The following TNS4 variants were observed in gnomAD, a reference collection of about 807,000 sequenced individuals.
TNS4 encodes the protein tensin 4, also known as tensin-4.
Under a neutral mutation model 70.4 loss-of-function variants are expected in TNS4, and 46 were observed. The ratio of observed to expected loss-of-function variants is 0.65; its 90% confidence interval spans 0.52 to 0.84. TNS4 has a LOEUF of 0.84. Ranked by LOEUF, TNS4 falls within the 40% of genes least tolerant of loss-of-function variation. The pLI is 0.00. For missense variants in TNS4, 863 were observed against 907.0 expected (o/e 0.95, Z 0.62); for synonymous variants, 390 against 366.6 (o/e 1.06, Z -0.73).
Position 40,479,194 on chromosome 17 carries a change from T to A in TNS4, c.1910+480A>T, listed in dbSNP as rs142309977. 7.5e-3 allele frequency among the ~76,000 whole-genome samples: 1,142 copies of A among 152,256 alleles called. 9 individuals are homozygous for A. The highest frequency in any genetic ancestry group is 0.011 in the Non-Finnish European group (764 of 68,010). On this transcript the variant is annotated intron_variant, in intron 10 of 12. Transcript: ENST00000254051. ...ATGGAGTTTCACTCTGTCACCCAGG[T>A]TGGAGTGCAATGGCGTGCTCTCAGC...
At chr17:40,491,117 C>A (rs2036061505) in intron 2 of TNS4, among the ~76,000 whole-genome samples, 1 of 152,190 alleles carries the variant, frequency 6.6e-6, no homozygotes, top group African/African-American at 2.4e-5. Flanking sequence ...AGCACAACTT[C>A]AATTTTTATA....
chr17:40,484,788 G>A, intron 5 of TNS4, 133 bp downstream of exon 5: 4 of 1,364,520 alleles, frequency 2.9e-6, no homozygotes, highest in Non-Finnish European at 3.1e-6. Context: ...AGGTCATGAG[G>A]TCAGCAGGAC....
At chr17:40,478,228 A>C in intron 12 of TNS4, 79 bp downstream of exon 12, 3 of 1,584,172 alleles carry the variant, frequency 1.9e-6, no homozygotes, top group Non-Finnish European at 2.6e-6. Flanking sequence ...TTGGACTATT[A>C]AAGTCAGAAT....
At chr17:40,482,901 T>C (rs897158768) in intron 6 of TNS4, among the ~76,000 whole-genome samples, 6 of 151,906 alleles carry the variant, frequency 3.9e-5, no homozygotes, top group Non-Finnish European at 5.9e-5. Context: ...CTCTTCTTCT[T>C]TTTTTGGGGG....
At chr17:40,499,157 A>G (rs2036180132) in intron 1 of TNS4, among the ~76,000 whole-genome samples, 1 of 152,194 alleles carries the variant, frequency 6.6e-6, no homozygotes, top group Admixed American at 6.5e-5. Context: ...CTAATCGGTT[A>G]TGTTATCTAT....
rs1422428612 is a variant in TNS4, at chr17:40,476,233, G to A, written c.*1355C>T. On this transcript the variant is annotated 3_prime_UTR_variant, in exon 13 of 13. Coordinates refer to ENST00000254051, the MANE Select transcript of TNS4 (RefSeq NM_032865.6). ...GTTCCAGCTTCTGGAGGCTGGGTGG[G>A]GGTGGGGTGGGGGTGGGTGTGGGAT... 1 of 151,004 alleles carries A rather than the reference G, an allele frequency of 6.6e-6. No homozygotes were observed. The highest frequency in any genetic ancestry group is 2.4e-5 in the African/African-American group (1 of 41,088). 9.4% of individuals were successfully genotyped at this position (151,004 alleles called of 1,614,324 possible). A position where few individuals can be genotyped will look rare whatever the true frequency, so the allele number is the denominator to read the frequency against.
In TNS4 at chr17:40,488,743, G is replaced by T; in HGVS notation, c.666C>A (p.Ser222=). The T allele has an allele frequency of 6.3e-7, 1 of 1,599,664 alleles. No homozygotes were observed. The highest frequency in any genetic ancestry group is 8.5e-7 in the Non-Finnish European group (1 of 1,173,844). ...QRPLPPSEGL[S]PRPPNSPSIS... ...TGCTGGGGGAATTTGGGGGTCGAGG[G>T]GAGAGACCCTCTGAGGGGGGCAGAG... Residue 222 remains serine, a synonymous_variant, in exon 3 of 13, where the codon TCC becomes TCA. Transcript: ENST00000254051.
At position 40,477,640 on chromosome 17, in the gene TNS4, G is replaced by A. The variant is rs372382060; in HGVS notation, c.2096C>T (p.Ser699Leu). The A allele has an allele frequency of 2.5e-6, 4 of 1,614,132 alleles. No individual in the cohort carries two copies. The highest frequency in any genetic ancestry group is 4.5e-5 in the East Asian group (2 of 44,874). ...AGCAGTCACCAGGCCGATGACCTGC[G>A]AGGCTGGCTGGACCATGTCATACTC... ...FAEYDMVQPA[S>L]QVIGLVTALL... is the part of the protein sequence containing the mutation. Residue 699 changes from serine to leucine, a missense_variant, in exon 13 of 13, where the codon TCG (serine) becomes TTG (leucine). By Grantham distance (145) the Ser-to-Leu change is moderately radical. Transcript: ENST00000254051.
intron 12 of TNS4, 181 bp downstream of exon 12, chr17:40,478,126 C>T: frequency 1.3e-6 from 1 of 755,438 alleles, no homozygotes; most frequent in Non-Finnish European, 2.2e-6. Context: ...CTCATGTCAC[C>T]CCCAACAGCC....
intron 9 of TNS4, 39 bp from the exon 10 acceptor site, chr17:40,479,881 G>T: frequency 6.4e-7 from 1 of 1,569,342 alleles, no homozygotes. Context: ...CACTGACCCA[G>T]GGCCCAGGTT....
chr17:40,497,717 G>A (rs994581490), intron 1 of TNS4, among the ~76,000 whole-genome samples: 4 of 152,206 alleles, frequency 2.6e-5, no homozygotes, highest in Non-Finnish European at 5.9e-5. Context: ...CAGAGCACCT[G>A]GGGTGGGTGG....
Position 40,484,506 on chromosome 17 carries a change from G to A in TNS4, c.1479C>T (p.Pro493=), listed in dbSNP as rs750601255. The A allele has an allele frequency of 5.0e-6, 8 of 1,611,674 alleles. No homozygotes were observed. Among genetic ancestry groups the A allele is most frequent in the African/African-American group, 2.7e-5 (2 of 74,898 alleles). Residue 493 remains proline, a synonymous_variant, in exon 6 of 13, where the codon CCC becomes CCT. Transcript: ENST00000254051. ...TACCTGGTCGACTCTGAGCAGACGC[G>A]GGAACCTCCTGCACCTTCAGGGCCA... is the stretch of plus-strand genomic sequence containing the variant. ...FGLALKVQEV[P]ASAQSRPGED...
chr17:40,482,443 G>A (rs115318855), intron 6 of TNS4, 27 bp from the exon 7 acceptor site: 31 of 1,611,008 alleles, frequency 1.9e-5, no homozygotes, highest in African/African-American at 6.7e-5. Flanking sequence ...GAGTGCATTC[G>A]GATAGAATTC....
intron 1 of TNS4, 125 bp downstream of exon 1, chr17:40,501,409 C>CTTGGG (rs2036214459): frequency 6.8e-6 from 1 of 147,642 alleles, no homozygotes; most frequent in South Asian, 2.1e-4. Context: ...GATCGCGCCA[C>CTTGGG]TGCACTCCAG....
rs1364122684 is a variant in TNS4, at chr17:40,480,712, T to C, written c.1729A>G (p.Lys577Glu). 5 of 1,564,844 alleles carry C rather than the reference T, an allele frequency of 3.2e-6. No homozygotes were observed. Among genetic ancestry groups the C allele is most frequent in the Non-Finnish European group, 3.4e-6 (4 of 1,159,982 alleles). The change falls in exon 9 of 13, where the codon AAG becomes GAG. Residue 577 changes from lysine (K) to glutamate (E), a missense_variant. Transcript: ENST00000254051. Reference protein sequence around the residue: ...DSTDSPASCQKKSAGCHTLYL... With the variant: ...DSTDSPASCQEKSAGCHTLYL... ...CTGTACCACTCACCCGCAGATTTCT[T>C]CTGGCAGGAGGCTGGGCTGTCTGTA...
At chr17:40,486,814 T>C (rs1170983166) in intron 4 of TNS4, among the ~76,000 whole-genome samples, 1 of 152,202 alleles carries the variant, frequency 6.6e-6, no homozygotes, top group South Asian at 2.1e-4. Context: ...GCCAATATGA[T>C]TGAGAATATC....
intron 2 of TNS4, among the ~76,000 whole-genome samples, chr17:40,492,591 A>G (rs1597698505): frequency 7.0e-6 from 1 of 142,848 alleles, no homozygotes; most frequent in African/African-American, 2.6e-5. Flanking sequence ...TGGTACATGG[A>G]CTAGTTTTTT....
Position 40,484,466 on chromosome 17 carries a change from A to G in TNS4, c.1501+18T>C. 3 of 1,607,726 alleles carry G rather than the reference A, an allele frequency of 1.9e-6. No individual in the cohort carries two copies. Among genetic ancestry groups the G allele is most frequent in the Non-Finnish European group, 2.5e-6 (3 of 1,179,816 alleles). ...TGCCTCAGTGAGGCCTTGAGTGAGC[A>G]CAGAGACAGACGCATACCTGGTCGA... On this transcript the variant is annotated intron_variant, in intron 6 of 12. Coordinates refer to ENST00000254051, the MANE Select transcript of TNS4 (RefSeq NM_032865.6).
chr17:40,485,962 A>T (rs970716215), intron 4 of TNS4, among the ~76,000 whole-genome samples: 3 of 152,170 alleles, frequency 2.0e-5, no homozygotes, highest in Non-Finnish European at 2.9e-5. Context: ...AGTGGGAGTG[A>T]GCAGTGGGCT....
Sources: allele counts gnomAD v4.1 joint callset (sites outside exome capture counted in the v4.1 genomes callset), GRCh38; gene constraint gnomAD v4.1.1; transcripts MANE v1.5; gene names NCBI Gene and HGNC (gene_info 2026-07-23, HGNC 2026-07-21).